TACC1: variants seen among roughly 807,000 people sequenced by gnomAD.
TACC1 encodes the protein transforming acidic coiled-coil-containing protein 1.
TACC1 carries 48 observed loss-of-function variants against 84.4 expected under a neutral mutation model. The observed-to-expected ratio is 0.57, with a 90% CI of 0.45 to 0.72. The LOEUF (loss-of-function observed/expected upper bound fraction) is 0.72. Ranked by LOEUF, TACC1 falls within the 30% of genes least tolerant of loss-of-function variation. TACC1 has a pLI of 0.00. For synonymous variants in TACC1, 372 were observed against 376.3 expected (o/e 0.99, Z 0.13); for missense variants, 920 against 973.0 (o/e 0.95, Z 0.72).
At chr8:38,788,926 G>T in intron 2 of TACC1, 107 bp downstream of exon 2, 1 of 879,172 alleles carries the variant, frequency 1.1e-6, no homozygotes, top group Non-Finnish European at 1.7e-6. Flanking sequence ...AAGAGAGTTT[G>T]ACTAAGAAAG....
chr8:38,765,036 T>C (rs1587411111), intron 3 of TACC1, among the ~76,000 whole-genome samples: 2 of 150,388 alleles, frequency 1.3e-5, no homozygotes, highest in African/African-American at 2.5e-5. Flanking sequence ...GGGATGGAGG[T>C]TGCAGTAAGC....
At chr8:38,801,252 T>G (rs1208919233) in intron 2 of TACC1, among the ~76,000 whole-genome samples, 1 of 152,258 alleles carries the variant, frequency 6.6e-6, no homozygotes, top group Non-Finnish European at 1.5e-5. Flanking sequence ...TTTACTTGTT[T>G]TGTCTCTTAT....
chr8:38,776,317 C>G (rs1359256610), intron 3 of TACC1, among the ~76,000 whole-genome samples: 1 of 152,198 alleles, frequency 6.6e-6, no homozygotes, highest in Admixed American at 6.5e-5. Context: ...AGGGTAGTCT[C>G]AGTCCTGTTT....
rs1817521594 is a variant in TACC1 at position 38,787,475 on chromosome 8, G to A, written c.-108G>A. 1.4e-6 allele frequency: 2 copies of A among 1,397,452 alleles called. No individual in the cohort carries two copies. Among genetic ancestry groups the A allele is most frequent in the Admixed American group, 3.5e-5 (1 of 28,706 alleles). 86.6% of individuals were successfully genotyped at this position (1,397,452 alleles called of 1,614,324 possible). ...TTTAACCACATCCGCGCCTCTGCTG[G>A]AAACGCTTGCTGGCGCCTGTCACCG... On this transcript the variant is annotated 5_prime_UTR_variant, in exon 1 of 13. Coordinates refer to ENST00000317827, the MANE Select transcript of TACC1 (RefSeq NM_006283.3).
intron 3 of TACC1, among the ~76,000 whole-genome samples, chr8:38,822,264 A>G (rs1827039471): frequency 6.6e-6 from 1 of 151,496 alleles, no homozygotes; most frequent in South Asian, 2.1e-4. Flanking sequence ...AAAAAAAAAA[A>G]AACTACTATA....
intron 1 of TACC1, among the ~76,000 whole-genome samples, chr8:38,731,618 A>T (rs1478373318): frequency 6.6e-6 from 1 of 152,168 alleles, no homozygotes; most frequent in Admixed American, 6.5e-5. Context: ...AATGCAATGT[A>T]ATTTCAATTT....
Position 38,848,110 on chromosome 8 carries a change from C to T in TACC1, c.*87C>T, listed in dbSNP as rs2152343322. ...TCTTGCCTTATCCAGGAATAATTGC[C>T]CCTTTGCAGAGAAAAAAAAAAACTT... On this transcript the variant is annotated 3_prime_UTR_variant, in exon 13 of 13. Transcript: ENST00000317827. The T allele has an allele frequency of 2.3e-6, 3 of 1,308,462 alleles. No individual in the cohort carries two copies. The highest frequency in any genetic ancestry group is 4.7e-5 in the East Asian group (2 of 42,314). 81.1% of individuals were successfully genotyped at this position (1,308,462 alleles called of 1,614,324 possible). A position where few individuals can be genotyped will look rare whatever the true frequency, so the allele number is the denominator to read the frequency against.
intron 3 of TACC1, among the ~76,000 whole-genome samples, chr8:38,820,958 C>T (rs1002422650): frequency 4.6e-5 from 7 of 152,024 alleles, no homozygotes; most frequent in Non-Finnish European, 1.0e-4. Flanking sequence ...GTAATCCCAG[C>T]ACTTTGGGAG....
intron 8 of TACC1, 33 bp from the exon 9 acceptor site, chr8:38,840,190 TC>T: frequency 6.5e-7 from 1 of 1,549,528 alleles, no homozygotes; most frequent in Non-Finnish European, 8.9e-7. Flanking sequence ...CTGAAAATCC[TC>T]CTCTGGTAAT....
At chr8:38,770,423 TCC>T (rs1813354841) in intron 3 of TACC1, among the ~76,000 whole-genome samples, 1 of 151,956 alleles carries the variant, frequency 6.6e-6, no homozygotes, top group Non-Finnish European at 1.5e-5. Flanking sequence ...CGCCGCGCTC[TCC>T]CCCTTCGCAC....
intron 3 of TACC1, among the ~76,000 whole-genome samples, chr8:38,761,541 GA>G (rs1363023861): frequency 1.3e-5 from 2 of 152,224 alleles, no homozygotes; most frequent in Non-Finnish European, 2.9e-5. Flanking sequence ...GCCTTTTAAT[GA>G]GCACATCACT....
intron 2 of TACC1, among the ~76,000 whole-genome samples, chr8:38,806,476 GAGAGAGAGAGAA>G (rs1482638659): frequency 6.6e-6 from 1 of 151,448 alleles, no homozygotes. Flanking sequence ...GTGTGTGTGT[GAGAGAGAGAGAA>G]AGAGAGAGAG....
intron 10 of TACC1, 101 bp from the exon 11 acceptor site, chr8:38,843,188 T>G (rs932376822): frequency 6.6e-6 from 5 of 753,026 alleles, no homozygotes; most frequent in Non-Finnish European, 1.1e-5. Context: ...CCATCTGAAT[T>G]AATTAGATTT....
At chr8:38,745,547 T>C (rs957235331) in intron 3 of TACC1, 18 of 674,076 alleles carry the variant, frequency 2.7e-5, no homozygotes, top group Non-Finnish European at 4.3e-5. Flanking sequence ...TTGTTTGTTT[T>C]TGTTTTTGTT....
At chr8:38,778,137 G>A (rs1032961704) in intron 3 of TACC1, among the ~76,000 whole-genome samples, 3 of 152,084 alleles carry the variant, frequency 2.0e-5, no homozygotes, top group African/African-American at 7.2e-5. Context: ...GTAGAGATGG[G>A]CTCTCACTGT....
chr8:38,846,253 C>T (rs1162634786), intron 11 of TACC1: 1 of 135,004 alleles, frequency 7.4e-6, no homozygotes, highest in Non-Finnish European at 1.5e-5. Context: ...CACTGTACTC[C>T]AGCCTGGGTG....
chr8:38,734,502 T>C (rs940873439), intron 1 of TACC1, among the ~76,000 whole-genome samples: 13 of 152,048 alleles, frequency 8.5e-5, no homozygotes, highest in Admixed American at 7.2e-4. Context: ...GCCATAAGCC[T>C]GTGTTTTTAA....
Position 38,751,931 on chromosome 8 carries a change from G to C in TACC1, c.26+6438G>C, listed in dbSNP as rs149861516. Among the ~76,000 whole-genome samples, 867 of 152,214 alleles carry C rather than the reference G, an allele frequency of 5.7e-3. 12 individuals are homozygous for C. Among genetic ancestry groups the C allele is most frequent in the African/African-American group, 0.02 (819 of 41,512 alleles). On this transcript the variant is annotated intron_variant, in intron 3 of 14. Coordinates refer to the TACC1 transcript ENST00000518415. ...AACAGAATCTGAGCACATAAAAAGT[G>C]CTCTATAAGTATTACCCACTGTTAT... is the stretch of plus-strand genomic sequence containing the variant.
At chr8:38,741,584 T>G (rs991421555) in intron 1 of TACC1, among the ~76,000 whole-genome samples, 3 of 152,214 alleles carry the variant, frequency 2.0e-5, no homozygotes, top group Admixed American at 6.5e-5. Flanking sequence ...TCTGTCTGCT[T>G]TGTCATTTCT....
Sources: allele counts gnomAD v4.1 joint callset (sites outside exome capture counted in the v4.1 genomes callset), GRCh38; gene constraint gnomAD v4.1.1; transcripts MANE v1.5; gene names NCBI Gene and HGNC (gene_info 2026-07-23, HGNC 2026-07-21).